Variants in CDKN1B observed in about 807,000 individuals in gnomAD.
CDKN1B encodes the protein cyclin-dependent kinase inhibitor 1B.
A neutral mutation model predicts 17.1 loss-of-function variants in CDKN1B; 7 were observed. The observed-to-expected ratio is 0.41, with a 90% CI of 0.23 to 0.77. The LOEUF is 0.77. Ranked by LOEUF, CDKN1B falls within the 30% of genes least tolerant of loss-of-function variation. The pLI is 0.33. For synonymous variants in CDKN1B, 149 were observed against 104.3 expected (o/e 1.43, Z -2.61); for missense variants, 337 against 262.0 (o/e 1.29, Z -1.98).
At position 12,718,026 on chromosome 12, in the gene CDKN1B, G is replaced by T. The variant is rs1477607353; in HGVS notation, c.187G>T (p.Asp63Tyr). The T allele has an allele frequency of 6.2e-7, 1 of 1,614,244 alleles. No homozygotes were observed. Residue 63 changes from aspartate (D) to tyrosine (Y), a missense_variant, in exon 1 of 3, where the codon GAT becomes TAT. Asp to Tyr is a radical substitution (Grantham distance 160). Transcript: ENST00000228872. ...GGCGAGCCAGCGCAAGTGGAATTTCGATTTTCAGAATCACAAACCCCTAGA... is the reference window on the plus strand; with the variant it reads ...GGCGAGCCAGCGCAAGTGGAATTTCTATTTTCAGAATCACAAACCCCTAGA... ...EEASQRKWNF[D>Y]FQNHKPLEGK...
Position 12,717,753 on chromosome 12 carries a change from G to T in CDKN1B, c.-87G>T. 6.3e-7 allele frequency: 1 copy of T among 1,597,866 alleles called. No homozygotes were observed. The highest frequency in any genetic ancestry group is 1.3e-5 in the African/African-American group (1 of 74,942). On this transcript the variant is annotated 5_prime_UTR_variant, in exon 1 of 3. Transcript: ENST00000228872. ...GGCAGTCGCTGGGCTTCCGAGAGGG[G>T]TTCGGGCTGCGTAGGGGCGCTTTGT...
chr12:12,720,985 C>A, intron 2 of CDKN1B, 51 bp from the exon 3 acceptor site: 1 of 610,018 alleles, frequency 1.6e-6, no homozygotes, highest in Admixed American at 3.0e-5. Context: ...CTACTGGTAA[C>A]GTTAATCTAG....
rs907062547 is a variant in CDKN1B at position 12,717,559 on chromosome 12, C to G, written c.-281C>G. The G allele has an allele frequency of 1.4e-6, 2 of 1,410,162 alleles. No homozygotes were observed. Among genetic ancestry groups the G allele is most frequent in the Admixed American group, 2.9e-5 (1 of 33,994 alleles). The allele number at this position is 1,410,162 out of a possible 1,614,324, so 87.4% of individuals were successfully genotyped here. A position where few individuals can be genotyped will look rare whatever the true frequency, so the allele number is the denominator to read the frequency against. Reference sequence around the variant, plus strand: ...TTGCACCCGCCCAGACTCGGACGGGCTTTGCCACCCTCTCCGCTTGCCTGG... The same window carrying G: ...TTGCACCCGCCCAGACTCGGACGGGGTTTGCCACCCTCTCCGCTTGCCTGG... On this transcript the variant is annotated 5_prime_UTR_variant, in exon 1 of 3. Transcript: ENST00000228872.
Position 12,721,231 on chromosome 12 carries a change from T to C in CDKN1B, c.*204T>C, listed in dbSNP as rs886049083. Reference sequence around the variant, plus strand: ...GATCTGCCTCTAAAAGCGTTGGATGTAGCATTATGCAATTAGGTTTTTCCT... The same window carrying C: ...GATCTGCCTCTAAAAGCGTTGGATGCAGCATTATGCAATTAGGTTTTTCCT... On this transcript the variant is annotated 3_prime_UTR_variant, in exon 3 of 3. Transcript: ENST00000228872. 6.8e-6 allele frequency: 5 copies of C among 738,768 alleles called. No homozygotes were observed. Among genetic ancestry groups the C allele is most frequent in the South Asian group, 1.5e-5 (1 of 66,248 alleles). 45.8% of individuals were successfully genotyped at this position (738,768 alleles called of 1,614,324 possible).
At position 12,718,303 on chromosome 12, in the gene CDKN1B, C is replaced by G. The variant is rs143879243; in HGVS notation, c.464C>G (p.Pro155Arg). The G allele has an allele frequency of 1.9e-5, 31 of 1,601,858 alleles. No individual in the cohort carries two copies. The highest frequency in any genetic ancestry group is 4.5e-5 in the East Asian group (2 of 44,882). ...AEQCAGIRKR[P>R]ATDDSSTQNK... ...CAATGCGCAGGAATAAGGAAGCGAC[C>G]TGCAACCGACGGTAATGACCCTTTC... Residue 155 changes from proline to arginine, a missense_variant, in exon 1 of 3, where the codon CCT becomes CGT. Coordinates refer to ENST00000228872, the MANE Select transcript of CDKN1B (RefSeq NM_004064.5).
Position 12,717,933 on chromosome 12 carries a change from C to A in CDKN1B, c.94C>A (p.Leu32Ile). 2 of 1,614,242 alleles carry A rather than the reference C, an allele frequency of 1.2e-6. No homozygotes were observed. Among genetic ancestry groups the A allele is most frequent in the Non-Finnish European group, 1.7e-6 (2 of 1,180,048 alleles). Residue 32 changes from leucine (L) to isoleucine (I), a missense_variant, in exon 1 of 3, where the codon CTC becomes ATC. Leu to Ile is a conservative substitution (Grantham distance 5, BLOSUM62 2). Transcript: ENST00000228872. ...CCCCAAGCCCTCGGCCTGCAGGAAC[C>A]TCTTCGGCCCGGTGGACCACGAAGA... ...EHPKPSACRN[L>I]FGPVDHEELT...
chr12:12,719,537 G>GAACC (rs955571264), intron 2 of CDKN1B: 3 of 149,358 alleles, frequency 2.0e-5, no homozygotes, highest in African/African-American at 7.3e-5. Context: ...GAGAGAGAAG[G>GAACC]AACCAGTATT....
chr12:12,720,263 C>A (rs982701241), intron 2 of CDKN1B, among the ~76,000 whole-genome samples: 1 of 152,182 alleles, frequency 6.6e-6, no homozygotes, highest in African/African-American at 2.4e-5. Context: ...GGATTTTGAT[C>A]TGGCCCTGTT....
Position 12,721,539 on chromosome 12 carries a change from A to C in CDKN1B, c.*512A>C. On this transcript the variant is annotated 3_prime_UTR_variant, in exon 3 of 3. Coordinates refer to ENST00000228872, the MANE Select transcript of CDKN1B (RefSeq NM_004064.5). ...AAAATTTGAACACTGGCTAAAGATAATTGCTATTTATTTTTACAAGAAGTT... is the reference window on the plus strand; with the variant it reads ...AAAATTTGAACACTGGCTAAAGATACTTGCTATTTATTTTTACAAGAAGTT... The C allele has an allele frequency of 5.4e-6, 1 of 186,504 alleles. No individual in the cohort carries two copies. The highest frequency in any genetic ancestry group is 1.9e-4 in the South Asian group (1 of 5,350). 11.6% of individuals were successfully genotyped at this position (186,504 alleles called of 1,614,324 possible). A position where few individuals can be genotyped will look rare whatever the true frequency, so the allele number is the denominator to read the frequency against.
Position 12,721,022 on chromosome 12 carries a change from G to T in CDKN1B, c.*9-14G>T. 1.5e-6 allele frequency: 1 copy of T among 671,318 alleles called. No homozygotes were observed. The allele number at this position is 671,318 out of a possible 1,614,324, so 41.6% of individuals were successfully genotyped here. A position where few individuals can be genotyped will look rare whatever the true frequency, so the allele number is the denominator to read the frequency against. ...GCTCTTCCTTTAATTCTTCCGTTTTGTTTTCTTTTGCAGAATTAAGAATAT... is the reference window on the plus strand; with the variant it reads ...GCTCTTCCTTTAATTCTTCCGTTTTTTTTTCTTTTGCAGAATTAAGAATAT... On this transcript the variant is annotated splice_polypyrimidine_tract_variant and intron_variant, in intron 2 of 2. Transcript: ENST00000228872.
intron 2 of CDKN1B, chr12:12,719,438 G>A (rs527571123): frequency 1.2e-3 from 236 of 198,972 alleles, no homozygotes; most frequent in Non-Finnish European, 2.0e-3. Context: ...CTTTGGTTAT[G>A]CAAGGGATTA....
chr12:12,720,544 G>T (rs541897036), intron 2 of CDKN1B, among the ~76,000 whole-genome samples: 1 of 151,936 alleles, frequency 6.6e-6, no homozygotes, highest in Non-Finnish European at 1.5e-5. Context: ...ATTTTTACCC[G>T]TAAGTATTAC....
intron 2 of CDKN1B, 29 bp from the exon 3 acceptor site, chr12:12,721,003 CCTTT>C (rs1592282597): frequency 1.6e-6 from 1 of 634,316 alleles, no homozygotes; most frequent in Non-Finnish European, 2.9e-6. Context: ...TAGTGCTCTT[CCTTT>C]AATTCTTCCG....
In CDKN1B at chr12:12,721,355, G is replaced by A. The variant is rs1018605139; in HGVS notation, c.*328G>A. The A allele has an allele frequency of 1.1e-5, 5 of 462,256 alleles. No homozygotes were observed. The highest frequency in any genetic ancestry group is 8.3e-5 in the Admixed American group (2 of 24,210). 28.6% of individuals were successfully genotyped at this position (462,256 alleles called of 1,614,324 possible). Reference sequence around the variant, plus strand: ...GGCAGGGTGGGGCTGAGGAACTGACGTGGAGCGGGGTATGAAGAGCTTGCT... The same window carrying A: ...GGCAGGGTGGGGCTGAGGAACTGACATGGAGCGGGGTATGAAGAGCTTGCT... On this transcript the variant is annotated 3_prime_UTR_variant, in exon 3 of 3. Coordinates refer to ENST00000228872, the MANE Select transcript of CDKN1B (RefSeq NM_004064.5).
Position 12,718,027 on chromosome 12 carries a change from A to AT in CDKN1B, c.192dup (p.Gln65SerfsTer60). On this transcript the variant is annotated frameshift_variant, in exon 1 of 3. Coordinates refer to ENST00000228872, the MANE Select transcript of CDKN1B (RefSeq NM_004064.5). LOFTEE classifies it high-confidence loss of function. ...GCGAGCCAGCGCAAGTGGAATTTCG[A>AT]TTTTCAGAATCACAAACCCCTAGAG... 6.2e-7 allele frequency: 1 copy of AT among 1,614,148 alleles called. No homozygotes were observed. The highest frequency in any genetic ancestry group is 1.1e-5 in the South Asian group (1 of 91,080).
rs1260635377 is a variant in CDKN1B, at chr12:12,718,863, G to A, written c.514G>A (p.Glu172Lys). Reference sequence around the variant, plus strand: ...AAACAAAAGAGCCAACAGAACAGAAGAAAATGTTTCAGACGGTTCCCCAAA... The same window carrying A: ...AAACAAAAGAGCCAACAGAACAGAAAAAAATGTTTCAGACGGTTCCCCAAA... ...TQNKRANRTE[E>K]NVSDGSPNAG... The change falls in exon 2 of 3, where the codon GAA (glutamate) becomes AAA (lysine). Residue 172 changes from glutamate to lysine, a missense_variant. Physicochemically the swap from Glu to Lys is moderately conservative, Grantham distance 56 (BLOSUM62 1). Transcript: ENST00000228872. 5.0e-6 allele frequency: 8 copies of A among 1,614,138 alleles called. No homozygotes were observed. The highest frequency in any genetic ancestry group is 6.8e-6 in the Non-Finnish European group (8 of 1,180,020).
At chr12:12,718,760 C>T in intron 1 of CDKN1B, 65 bp from the exon 2 acceptor site, 3 of 1,599,752 alleles carry the variant, frequency 1.9e-6, no homozygotes, top group Non-Finnish European at 2.6e-6. Flanking sequence ...GGGCCAACTT[C>T]TGCCAGCCAT....
rs886049077 is a variant in CDKN1B, at chr12:12,717,369, T to G, written c.-471T>G. ...TAGACTCGCCGTGTCAATCATTTTC[T>G]TCTTCGTCAGCCTCCCTTCCACCGC... On this transcript the variant is annotated 5_prime_UTR_variant, in exon 1 of 3. Transcript: ENST00000228872. 8.7e-7 allele frequency: 1 copy of G among 1,153,454 alleles called. No homozygotes were observed. Among genetic ancestry groups the G allele is most frequent in the Non-Finnish European group, 1.1e-6 (1 of 930,756 alleles). The allele number at this position is 1,153,454 out of a possible 1,614,324, so 71.5% of individuals were successfully genotyped here. A position where few individuals can be genotyped will look rare whatever the true frequency, so the allele number is the denominator to read the frequency against.
At position 12,721,783 on chromosome 12, in the gene CDKN1B, A is replaced by G. The variant is rs1946542291; in HGVS notation, c.*756A>G. ...GTGCTTGGGAGTTTTGAATGTTAAG[A>G]ATTGACCATCTGCTTTTATTAAATT... On this transcript the variant is annotated 3_prime_UTR_variant, in exon 3 of 3. Transcript: ENST00000228872. 6.6e-6 allele frequency: 1 copy of G among 152,190 alleles called. No individual in the cohort carries two copies. Among genetic ancestry groups the G allele is most frequent in the African/African-American group, 2.4e-5 (1 of 41,442 alleles). 9.4% of individuals were successfully genotyped at this position (152,190 alleles called of 1,614,324 possible). A position where few individuals can be genotyped will look rare whatever the true frequency, so the allele number is the denominator to read the frequency against.
Sources: allele counts gnomAD v4.1 joint callset (sites outside exome capture counted in the v4.1 genomes callset), GRCh38; gene constraint gnomAD v4.1.1; transcripts MANE v1.5; gene names NCBI Gene and HGNC (gene_info 2026-07-23, HGNC 2026-07-21).